Variants in DYNC1I1 observed in about 807,000 individuals in gnomAD.
DYNC1I1 encodes dynein cytoplasmic 1 intermediate chain 1.
Under a neutral mutation model 86.6 loss-of-function variants are expected in DYNC1I1, and 43 were observed. The observed-to-expected ratio is 0.50, with a 90% CI of 0.39 to 0.64. DYNC1I1 has a LOEUF of 0.64. DYNC1I1 is among the 30% of genes least tolerant of loss of function. DYNC1I1 has a pLI of 0.00. For missense variants in DYNC1I1, 604 were observed against 788.8 expected (o/e 0.77, Z 2.81); for synonymous variants, 262 against 283.7 (o/e 0.92, Z 0.77).
chr7:95,824,778 G>A (rs1227769915), intron 4 of DYNC1I1, among the ~76,000 whole-genome samples: 1 of 152,140 alleles, frequency 6.6e-6, no homozygotes, highest in Non-Finnish European at 1.5e-5. Context: ...CCTGCAACCC[G>A]GGGCCAGGAG....
intron 11 of DYNC1I1, among the ~76,000 whole-genome samples, chr7:96,030,330 TTGTGTGTGTGTGTGTGTGTGTG>T (rs200496803): frequency 1.5e-5 from 2 of 135,492 alleles, no homozygotes; most frequent in African/African-American, 2.8e-5. Context: ...AATGGTAGAG[TTGTGTGTGTGTGTGTGTGTGTG>T]TGTGTGTGTG....
intron 11 of DYNC1I1, 118 bp downstream of exon 11, chr7:96,028,439 A>G: frequency 5.2e-6 from 7 of 1,344,142 alleles, no homozygotes; most frequent in Non-Finnish European, 6.9e-6. Context: ...CTACTTTATT[A>G]TGATTGAATC....
intron 6 of DYNC1I1, among the ~76,000 whole-genome samples, chr7:95,951,122 A>G (rs1011042071): frequency 3.4e-4 from 52 of 152,256 alleles, no homozygotes; most frequent in Admixed American, 1.8e-3. Context: ...AGACAGCACC[A>G]GTTCCAGAAG....
intron 6 of DYNC1I1, among the ~76,000 whole-genome samples, chr7:95,954,609 T>C (rs1792653775): frequency 6.6e-6 from 1 of 152,138 alleles, no homozygotes; most frequent in Non-Finnish European, 1.5e-5. Flanking sequence ...AAATGTCTTC[T>C]TGTTTAAAGA....
rs147587226 is a variant in DYNC1I1 at position 95,804,762 on chromosome 7, A to G, written c.33A>G (p.Leu11=). Residue 11 remains leucine (L), a synonymous_variant, in exon 2 of 17, where the codon CTA becomes CTG. Transcript: ENST00000447467. MSDKSDLKAE[L]ERKKQRLAQI... is the part of the protein sequence containing the mutation. ...ACAAAAGTGACTTAAAAGCTGAGCTAGAGCGCAAAAAGCAGCGCTTAGCAC... is the reference window on the plus strand; with the variant it reads ...ACAAAAGTGACTTAAAAGCTGAGCTGGAGCGCAAAAAGCAGCGCTTAGCAC... 267 of 1,602,766 alleles carry G rather than the reference A, an allele frequency of 1.7e-4. No homozygotes were observed. Among genetic ancestry groups the G allele is most frequent in the Non-Finnish European group, 2.0e-4 (233 of 1,173,898 alleles).
intron 16 of DYNC1I1, among the ~76,000 whole-genome samples, chr7:96,080,913 T>C (rs1331543705): frequency 6.6e-6 from 1 of 151,348 alleles, no homozygotes; most frequent in East Asian, 1.9e-4. Context: ...CTACTAAAAA[T>C]ACAAAAATTA....
Position 96,080,479 on chromosome 7 carries a change from C to T in DYNC1I1, c.1767C>T (p.Asp589=), listed in dbSNP as rs371308045. The change falls in exon 16 of 17, where the codon GAC becomes GAT. Residue 589 remains aspartate, a synonymous_variant. Coordinates refer to ENST00000447467, the MANE Select transcript of DYNC1I1 (RefSeq NM_001135556.2). Reference sequence around the variant, plus strand: ...CGGAAGGCCGTATTTGGGTCTATGACGTTGGAGAGGTACGTGTGTATTTGT... The same window carrying T: ...CGGAAGGCCGTATTTGGGTCTATGATGTTGGAGAGGTACGTGTGTATTTGT... ...GDSEGRIWVY[D]VGELAVPHND... 59 of 1,613,970 alleles carry T rather than the reference C, an allele frequency of 3.7e-5. No homozygotes were observed. In the East Asian group the frequency reaches 8.7e-4, roughly 24 times the overall value.
intron 16 of DYNC1I1, among the ~76,000 whole-genome samples, chr7:96,084,133 G>C (rs1482734426): frequency 6.6e-6 from 1 of 152,054 alleles, no homozygotes; most frequent in East Asian, 1.9e-4. Context: ...GTCTTGAAGA[G>C]TATAGGACCT....
intron 5 of DYNC1I1, 67 bp downstream of exon 5, chr7:95,828,183 G>T: frequency 1.9e-6 from 3 of 1,566,492 alleles, no homozygotes; most frequent in Non-Finnish European, 1.8e-6. Context: ...AAATGCTGGA[G>T]CTGTTGTTGC....
In DYNC1I1 at chr7:95,869,745, G is replaced by T. The variant is rs564937279; in HGVS notation, c.375-138G>T. The T allele has an allele frequency of 3.7e-5, 31 of 839,276 alleles. No individual in the cohort carries two copies. The South Asian group carries it at 5.0e-4, about 13-fold the overall frequency. The allele number at this position is 839,276 out of a possible 1,614,324, so 52.0% of individuals were successfully genotyped here. On this transcript the variant is annotated intron_variant, in intron 5 of 16. Transcript: ENST00000447467. The stretch of plus-strand genomic sequence containing the variant: ...TGACTTCCAGCCCAGAGCCAGTTCT[G>T]CTTCATGACCCTGCCCCTTGCACTC...
chr7:95,791,496 T>G (rs917574119), intron 1 of DYNC1I1, among the ~76,000 whole-genome samples: 2 of 152,224 alleles, frequency 1.3e-5, no homozygotes, highest in Admixed American at 1.3e-4. Context: ...TTAGACATGT[T>G]CATTTATCAT....
At chr7:95,816,224 G>T (rs940105032) in intron 4 of DYNC1I1, among the ~76,000 whole-genome samples, 1 of 152,106 alleles carries the variant, frequency 6.6e-6, no homozygotes, top group Admixed American at 6.5e-5. Flanking sequence ...GTCTCACTAT[G>T]TTGTCCAGGC....
chr7:95,844,565 G>T (rs1376294308), intron 5 of DYNC1I1, among the ~76,000 whole-genome samples: 1 of 152,134 alleles, frequency 6.6e-6, no homozygotes, highest in Non-Finnish European at 1.5e-5. Flanking sequence ...GGAGACTAGG[G>T]TGTTTTAAGG....
intron 6 of DYNC1I1, among the ~76,000 whole-genome samples, chr7:95,950,631 A>C: frequency 6.6e-6 from 1 of 152,130 alleles, no homozygotes; most frequent in East Asian, 1.9e-4. Flanking sequence ...ATTCGGTAAA[A>C]CTGAATTCAG....
chr7:95,977,496 T>A lies in DYNC1I1; in HGVS notation c.491-16T>A, dbSNP rs1299732378. The stretch of plus-strand genomic sequence containing the variant: ...GAGGAAAGAAAATATTGTATTTTTC[T>A]CTTTCTTTTTTCTAGAGGATGAGGA... On this transcript the variant is annotated splice_polypyrimidine_tract_variant and intron_variant, in intron 6 of 16. Transcript: ENST00000447467. 6.2e-7 allele frequency: 1 copy of A among 1,609,644 alleles called. No individual in the cohort carries two copies.
intron 10 of DYNC1I1, among the ~76,000 whole-genome samples, chr7:95,998,956 GC>G (rs1381189670): frequency 7.9e-5 from 12 of 152,224 alleles, no homozygotes; most frequent in African/African-American, 2.6e-4. Flanking sequence ...GGATAGCAAG[GC>G]CAAAAAGTAT....
At chr7:95,846,666 T>TGTGTGTGA (rs1400288683) in intron 5 of DYNC1I1, among the ~76,000 whole-genome samples, 1 of 150,652 alleles carries the variant, frequency 6.6e-6, no homozygotes, top group Non-Finnish European at 1.5e-5. Context: ...TGTGTGTGTG[T>TGTGTGTGA]GACGAAGGGG....
chr7:95,890,146 G>A (rs6968905), intron 6 of DYNC1I1, among the ~76,000 whole-genome samples: 74,123 of 152,100 alleles, frequency 0.49, 20,083 homozygotes, highest in Non-Finnish European at 0.63. Flanking sequence ...GTTCATTGCA[G>A]CACTATTCAC....
At chr7:95,867,083 A>G (rs1363012550) in intron 5 of DYNC1I1, among the ~76,000 whole-genome samples, 1 of 152,230 alleles carries the variant, frequency 6.6e-6, no homozygotes, top group Non-Finnish European at 1.5e-5. Context: ...AACTCTCCCA[A>G]GCAGCCACAT....
Sources: gnomAD v4.1 joint callset for allele counts (sites outside exome capture counted in the v4.1 genomes callset) on GRCh38, gnomAD v4.1.1 for gene constraint, MANE v1.5 for transcripts, NCBI Gene and HGNC (gene_info 2026-07-23, HGNC 2026-07-21) for gene names.